Variants in STS observed in about 807,000 individuals in gnomAD.
The protein encoded by STS is steroid sulfatase, also known as steryl-sulfatase.
A neutral mutation model predicts 26.8 loss-of-function variants in STS; 7 were observed. The observed-to-expected ratio is 0.26, with a 90% CI of 0.15 to 0.49. The LOEUF (loss-of-function observed/expected upper bound fraction) is 0.49, where lower values mean the gene tolerates loss of function less well. STS is among the 20% of genes least tolerant of loss of function. STS has a pLI of 0.98. For missense variants in STS, 434 were observed against 465.6 expected, an observed-to-expected ratio of 0.93 and a Z score of 0.63; for synonymous variants, 199 against 189.4, an observed-to-expected ratio of 1.05 and a Z score of -0.42.
intron 2 of STS, among the ~76,000 whole-genome samples, chrX:7,242,485 G>A (rs1051363469): frequency 9.2e-5 from 10 of 108,309 alleles, no homozygotes; most frequent in African/African-American, 2.4e-4. Flanking sequence ...TTGTAATCCC[G>A]GCTACTTGGG....
At position 7,153,576 on chromosome X, in the gene STS, G is replaced by A. The variant is rs571847694; in HGVS notation, c.-134+5493G>A. ...CCTGTCTTCCTTCCTGTCCTCCTCC[G>A]TGACTCCCTCACTCTCTGCTTCCTT... On this transcript the variant is annotated intron_variant, in intron 1 of 10. Coordinates refer to ENST00000674429, the MANE Select transcript of STS (RefSeq NM_001320752.2). Among the ~76,000 whole-genome samples the A allele has an allele frequency of 6.1e-4, 33 of 53,684 alleles. No individual in the cohort carries two copies. The Admixed American group carries it at 6.3e-3, about 10-fold the overall frequency. The allele number at this position is 53,684 out of a possible 115,157, so 46.6% of individuals were successfully genotyped here. A position where few individuals can be genotyped will look rare whatever the true frequency, so the allele number is the denominator to read the frequency against.
intron 9 of STS, among the ~76,000 whole-genome samples, chrX:7,333,079 G>A (rs1195349157): frequency 1.8e-5 from 2 of 111,968 alleles, no homozygotes; most frequent in Non-Finnish European, 3.8e-5. Flanking sequence ...GTACAGCCAC[G>A]CCAAACTTCC....
chrX:7,317,037 G>A (rs1926742452), intron 8 of STS, among the ~76,000 whole-genome samples: 1 of 112,089 alleles, frequency 8.9e-6, no homozygotes, highest in Non-Finnish European at 1.9e-5. Flanking sequence ...AAAAATAGAA[G>A]CCTGGTTTGC....
intron 2 of STS, among the ~76,000 whole-genome samples, chrX:7,216,406 C>T (rs955082257): frequency 1.4e-4 from 16 of 112,007 alleles, no homozygotes; most frequent in African/African-American, 5.2e-4. Context: ...AAAAAAACAA[C>T]AAATGCAGAC....
chrX:7,208,303 G>C (rs990388500), intron 2 of STS, among the ~76,000 whole-genome samples: 58 of 112,025 alleles, frequency 5.2e-4, no homozygotes, highest in African/African-American at 1.8e-3. Context: ...GAAAAGCATA[G>C]AAAAGAAGCA....
chrX:7,155,776 A>G (rs1401537602), intron 1 of STS, among the ~76,000 whole-genome samples: 4 of 111,963 alleles, frequency 3.6e-5, no homozygotes, highest in African/African-American at 1.3e-4. Context: ...AACAAAACCA[A>G]TTTTTTTCTC....
chrX:7,347,527 C>G (rs375314588), intron 10 of STS, among the ~76,000 whole-genome samples: 1 of 111,814 alleles, frequency 8.9e-6, no homozygotes, highest in East Asian at 2.8e-4. Flanking sequence ...TGATGTCAAT[C>G]TGATCTTCCA....
intron 2 of STS, among the ~76,000 whole-genome samples, chrX:7,217,176 C>T (rs146119770): frequency 9.0e-6 from 1 of 111,306 alleles, no homozygotes; most frequent in African/African-American, 3.3e-5. Flanking sequence ...ACCACACATC[C>T]CCTGGGGGTG....
intron 1 of STS, among the ~76,000 whole-genome samples, chrX:7,186,452 G>A (rs753206314): frequency 9.0e-6 from 1 of 111,436 alleles, no homozygotes; most frequent in East Asian, 2.9e-4. Flanking sequence ...ACGAGTGTTA[G>A]CAAGACGGGG....
chrX:7,198,602 T>G (rs2090207782), intron 2 of STS, among the ~76,000 whole-genome samples: 1 of 112,004 alleles, frequency 8.9e-6, no homozygotes, highest in Non-Finnish European at 1.9e-5. Flanking sequence ...ACCATTTTTG[T>G]TTCCATGTTA....
At chrX:7,318,356 GGAA>G (rs1381500408) in intron 8 of STS, among the ~76,000 whole-genome samples, 5 of 111,090 alleles carry the variant, frequency 4.5e-5, no homozygotes, top group African/African-American at 1.6e-4. Context: ...TATCGCAGGA[GGAA>G]GGAGACTCAA....
chrX:7,163,180 G>A (rs2146990964), intron 1 of STS, among the ~76,000 whole-genome samples: 1 of 111,580 alleles, frequency 9.0e-6, no homozygotes, highest in East Asian at 2.8e-4. Context: ...TGCACCATAG[G>A]GTGCTGAGCA....
At chrX:7,269,396 ACATG>A (rs1569207842) in intron 6 of STS, among the ~76,000 whole-genome samples, 2 of 106,409 alleles carry the variant, frequency 1.9e-5, no homozygotes, top group Non-Finnish European at 3.9e-5. Context: ...TCGAAAGCCT[ACATG>A]TTTATGGAAA....
At chrX:7,326,446 T>A (rs1391742271) in intron 9 of STS, among the ~76,000 whole-genome samples, 1 of 111,551 alleles carries the variant, frequency 9.0e-6, no homozygotes, top group Non-Finnish European at 1.9e-5. Flanking sequence ...ACAACCTCTT[T>A]GACCTCCAAC....
At chrX:7,238,708 C>A (rs756373719) in intron 2 of STS, among the ~76,000 whole-genome samples, 1 of 103,051 alleles carries the variant, frequency 9.7e-6, no homozygotes, top group Non-Finnish European at 2.0e-5. Flanking sequence ...GGTGCATGCC[C>A]GTAGTCCTAG....
At chrX:7,219,435 C>A (rs1276307318) in intron 2 of STS, 159 of 1,058,542 alleles carry the variant, frequency 1.5e-4, no homozygotes, top group Non-Finnish European at 4.6e-5. Context: ...AGTGTCTCCG[C>A]CTCACATTAT....
At position 7,343,750 on chromosome X, in the gene STS, C is replaced by G. The variant is rs180678305; in HGVS notation, c.1364-6138C>G. ...GTTCTCTCTCTCTCTTCCCCGCCTA[C>G]CGCCAGCACCCCCCGCCCCTCCCGG... On this transcript the variant is annotated intron_variant, in intron 10 of 10. Transcript: ENST00000674429. 1.1e-3 allele frequency among the ~76,000 whole-genome samples: 125 copies of G among 112,082 alleles called. 1 individual carries two copies. In the East Asian group the frequency reaches 0.02, roughly 18 times the overall value.
At chrX:7,192,011 C>G (rs1211702904) in intron 2 of STS, among the ~76,000 whole-genome samples, 1 of 112,438 alleles carries the variant, frequency 8.9e-6, no homozygotes, top group African/African-American at 3.2e-5. Context: ...CATGTCTGGA[C>G]CACTATGGCA....
chrX:7,291,084 A>G (rs1373681006), intron 7 of STS, among the ~76,000 whole-genome samples: 1 of 111,712 alleles, frequency 9.0e-6, no homozygotes, highest in Non-Finnish European at 1.9e-5. Context: ...GTATCTCACC[A>G]TGAGAAAAAT....
Sources: allele counts gnomAD v4.1 joint callset (sites outside exome capture counted in the v4.1 genomes callset), GRCh38; gene constraint gnomAD v4.1.1; transcripts MANE v1.5; gene names NCBI Gene and HGNC (gene_info 2026-07-23, HGNC 2026-07-21).